GARRE1: variants seen among roughly 807,000 people sequenced by gnomAD.
GARRE1 encodes the protein granule associated Rac and RHOG effector protein 1.
Under a neutral mutation model 103.2 loss-of-function variants are expected in GARRE1, and 49 were observed. The observed-to-expected ratio is 0.47, with a 90% CI of 0.38 to 0.60. GARRE1 has a LOEUF of 0.60. GARRE1 is among the 20% of genes least tolerant of loss of function. GARRE1 has a pLI of 0.00. For synonymous variants in GARRE1, 505 were observed against 532.8 expected (o/e 0.95, Z 0.72); for missense variants, 1,199 against 1,370.5 (o/e 0.87, Z 1.98).
At chr19:34,303,146 G>A (rs756565478) in intron 2 of GARRE1, among the ~76,000 whole-genome samples, 7 of 151,978 alleles carry the variant, frequency 4.6e-5, no homozygotes, top group Non-Finnish European at 8.8e-5. Context: ...CTTTTTTCTT[G>A]TCTTATTTTA....
At chr19:34,273,549 T>C (rs1283920578) in intron 1 of GARRE1, among the ~76,000 whole-genome samples, 1 of 152,192 alleles carries the variant, frequency 6.6e-6, no homozygotes, top group Non-Finnish European at 1.5e-5. Context: ...TGTTAAATGT[T>C]TACATCATGC....
intron 2 of GARRE1, among the ~76,000 whole-genome samples, chr19:34,301,982 CTTTTTTT>C (rs35417822): frequency 2.0e-5 from 1 of 50,030 alleles, no homozygotes; most frequent in South Asian, 9.5e-4. Context: ...TGCGCCCAGC[CTTTTTTT>C]TTTTTTTTTT....
At chr19:34,272,007 G>A (rs952583969) in intron 1 of GARRE1, among the ~76,000 whole-genome samples, 15 of 152,234 alleles carry the variant, frequency 9.9e-5, no homozygotes, top group African/African-American at 3.6e-4. Flanking sequence ...AAACATTTAG[G>A]ATATAATAAT....
At chr19:34,279,901 C>T (rs537460300) in intron 1 of GARRE1, among the ~76,000 whole-genome samples, 54 of 145,298 alleles carry the variant, frequency 3.7e-4, no homozygotes, top group Non-Finnish European at 6.4e-4. Context: ...AGGAGAATGG[C>T]GTGAACCCGG....
At chr19:34,265,854 AGGCG>A in intron 1 of GARRE1, among the ~76,000 whole-genome samples, 1 of 152,324 alleles carries the variant, frequency 6.6e-6, no homozygotes, top group Middle Eastern at 3.4e-3. Context: ...CACAAGAGTT[AGGCG>A]ACTTGCTCAA....
At chr19:34,298,933 C>G (rs368677299) in intron 1 of GARRE1, among the ~76,000 whole-genome samples, 1 of 152,136 alleles carries the variant, frequency 6.6e-6, no homozygotes, top group South Asian at 2.1e-4. Flanking sequence ...TTCTAAGAAG[C>G]CACCCAAGGT....
chr19:34,311,641 G>A (rs760988852), intron 2 of GARRE1, among the ~76,000 whole-genome samples: 6 of 151,910 alleles, frequency 3.9e-5, no homozygotes, highest in Admixed American at 1.3e-4. Flanking sequence ...ATGTAGTTTC[G>A]CTCTTGTTGT....
At chr19:34,271,903 A>C (rs1221801608) in intron 1 of GARRE1, among the ~76,000 whole-genome samples, 1 of 152,046 alleles carries the variant, frequency 6.6e-6, no homozygotes, top group Non-Finnish European at 1.5e-5. Context: ...GTCCTCATAG[A>C]AGGCATTCTG....
Position 34,342,133 on chromosome 19 carries a change from C to A in GARRE1, c.2199C>A (p.Tyr733Ter). ...AGCAGCAACAACCTCAAGTCCAATA[C>A]TACCAACACCTACTCCAGCCCATTG... ...SPKQQQPQVQ[Y>*]YQHLLQPIGP... Residue 733 changes from tyrosine (Y) to a stop codon, truncating the protein, a stop_gained, in exon 10 of 14, where the codon TAC (tyrosine) becomes TAA (stop). Transcript: ENST00000299505. LOFTEE classifies it high-confidence loss of function. 1 of 1,614,178 alleles carries A rather than the reference C, an allele frequency of 6.2e-7. No individual in the cohort carries two copies. The highest frequency in any genetic ancestry group is 8.5e-7 in the Non-Finnish European group (1 of 1,180,026).
rs1342451457 is a variant in GARRE1 at position 34,341,578 on chromosome 19, A to T, written c.1644A>T (p.Ser548=). ...CATCCCGGTTCACCAAGAAAGCTTC[A>T]TGTACCAGCTCCAGCAGCAGCACAA... ...KLTSRFTKKA[S]CTSSSSSTNY... The change falls in exon 10 of 14, where the codon TCA becomes TCT. Residue 548 remains serine (S), a synonymous_variant. Transcript: ENST00000299505. The T allele has an allele frequency of 5.0e-6, 8 of 1,614,220 alleles. No individual in the cohort carries two copies. Among genetic ancestry groups the T allele is most frequent in the Non-Finnish European group, 5.9e-6 (7 of 1,180,040 alleles).
At chr19:34,346,433 C>T (rs919632439) in intron 10 of GARRE1, among the ~76,000 whole-genome samples, 1 of 152,108 alleles carries the variant, frequency 6.6e-6, no homozygotes, top group Non-Finnish European at 1.5e-5. Context: ...GAGCAAATCT[C>T]CTGTCAATAG....
intron 1 of GARRE1, among the ~76,000 whole-genome samples, chr19:34,298,972 C>T (rs758352209): frequency 6.6e-5 from 10 of 152,256 alleles, no homozygotes; most frequent in African/African-American, 1.4e-4. Flanking sequence ...GCCAGGCTCC[C>T]GCTCTGCACA....
intron 12 of GARRE1, among the ~76,000 whole-genome samples, chr19:34,350,360 G>T (rs1168987477): frequency 6.6e-6 from 1 of 152,190 alleles, no homozygotes; most frequent in Non-Finnish European, 1.5e-5. Flanking sequence ...TGAACCGGGG[G>T]TGGAGTTTGA....
At chr19:34,299,288 C>T (rs2073964548) in intron 1 of GARRE1, among the ~76,000 whole-genome samples, 2 of 152,138 alleles carry the variant, frequency 1.3e-5, no homozygotes, top group Non-Finnish European at 2.9e-5. Flanking sequence ...GCTGATGCCC[C>T]ATAAAGTTTA....
rs1298656698 is a variant in GARRE1, at chr19:34,255,388, T to C, written c.-796+774T>C. On this transcript the variant is annotated intron_variant, in intron 1 of 13. Transcript: ENST00000299505. ...TGGGGGCCTCCAGTTTGAAAATACC[T>C]TGTTCTGGTCCCTCATCCCCATTAT... Among the ~76,000 whole-genome samples, 3 of 152,232 alleles carry C rather than the reference T, an allele frequency of 2.0e-5. No homozygotes were observed. The East Asian group carries it at 5.8e-4, about 29-fold the overall frequency.
Position 34,341,839 on chromosome 19 carries a change from G to A in GARRE1, c.1905G>A (p.Glu635=). ...TGCATGGAGATGACGGCAAGGATGA[G>A]AAGGGTATGAACTTACCAACTGATC... ...NFLHGDDGKD[E]KGMNLPTDQE... is the part of the protein sequence containing the mutation. The change falls in exon 10 of 14, where the codon GAG becomes GAA. Residue 635 remains glutamate (E), a synonymous_variant. Coordinates refer to ENST00000299505, the MANE Select transcript of GARRE1 (RefSeq NM_014686.5). 6.2e-7 allele frequency: 1 copy of A among 1,614,196 alleles called. No homozygotes were observed. Among genetic ancestry groups the A allele is most frequent in the South Asian group, 1.1e-5 (1 of 91,078 alleles).
At chr19:34,338,858 C>T (rs2074172555) in intron 8 of GARRE1, among the ~76,000 whole-genome samples, 1 of 152,066 alleles carries the variant, frequency 6.6e-6, no homozygotes, top group Non-Finnish European at 1.5e-5. Flanking sequence ...CTACAGGAAG[C>T]TCACTCTGGC....
intron 2 of GARRE1, among the ~76,000 whole-genome samples, chr19:34,302,428 G>C (rs1004535728): frequency 7.9e-5 from 12 of 151,748 alleles, no homozygotes; most frequent in Non-Finnish European, 1.2e-4. Flanking sequence ...GAGTAGCTGG[G>C]ATTACAGGCG....
In GARRE1 at chr19:34,333,683, T is replaced by TG. The variant is rs781691451; in HGVS notation, c.1264-21_1264-20insG. 3.1e-5 allele frequency: 38 copies of TG among 1,244,870 alleles called. 2 individuals carry two copies. In the Middle Eastern group the frequency reaches 5.8e-4, roughly 19 times the overall value. The allele number at this position is 1,244,870 out of a possible 1,614,324, so 77.1% of individuals were successfully genotyped here. A position where few individuals can be genotyped will look rare whatever the true frequency, so the allele number is the denominator to read the frequency against. ...TGAAAGCTGGTTGTTATTTGTTTTT[T>TG]TTTTTTTTTTTCGATCTTAGGTGGT... On this transcript the variant is annotated intron_variant, in intron 7 of 13. Transcript: ENST00000299505.
Sources: allele counts gnomAD v4.1 joint callset (sites outside exome capture counted in the v4.1 genomes callset), GRCh38; gene constraint gnomAD v4.1.1; transcripts MANE v1.5; gene names NCBI Gene and HGNC (gene_info 2026-07-23, HGNC 2026-07-21).